Variants in DST observed in about 807,000 individuals in gnomAD.
DST encodes bullous pemphigoid antigen.
In DST, 253 loss-of-function variants were observed where a neutral mutation model predicts 875.2. That is an observed-to-expected ratio of 0.29 (90% CI 0.26 to 0.32). The LOEUF is 0.32. Among genes scored for constraint, DST ranks in the 10% least tolerant of loss-of-function variants. The probability of loss-of-function intolerance (pLI) is 1.00; values close to 1 mark genes in which losing one functional copy is unlikely to be tolerated. For missense variants in DST, 8,287 were observed against 9,111.6 expected (o/e 0.91, Z 3.68); for synonymous variants, 3,124 against 3,197.1 (o/e 0.98, Z 0.77).
At chr6:56,585,338 G>C (rs1386852115) in intron 49 of DST, among the ~76,000 whole-genome samples, 1 of 151,988 alleles carries the variant, frequency 6.6e-6, no homozygotes, top group Non-Finnish European at 1.5e-5. Context: ...TGTATGTGTC[G>C]AGGAATTTAT....
intron 3 of DST, among the ~76,000 whole-genome samples, chr6:56,883,558 G>A (rs1783200155): frequency 6.6e-6 from 1 of 152,092 alleles, no homozygotes; most frequent in Non-Finnish European, 1.5e-5. Context: ...CAAAAATTTA[G>A]GCTTACTCTA....
chr6:56,480,726 C>T (rs2095373348), intron 90 of DST, among the ~76,000 whole-genome samples: 1 of 152,080 alleles, frequency 6.6e-6, no homozygotes. Flanking sequence ...AACCACTACC[C>T]CTGCTCTGGA....
chr6:56,553,457 T>A lies in DST; in HGVS notation c.15335A>T (p.His5112Leu). 1 of 1,612,482 alleles carries A rather than the reference T, an allele frequency of 6.2e-7. No individual in the cohort carries two copies. The highest frequency in any genetic ancestry group is 8.5e-7 in the Non-Finnish European group (1 of 1,179,436). The change falls in exon 61 of 104, where the codon CAT (histidine) becomes CTT (leucine). Residue 5112 changes from histidine to leucine, a missense_variant. Transcript: ENST00000680361. Reference sequence around the variant, plus strand: ...TTCTGCAATGGTTTTTTCATACATATGAGACTGAGCGGTCAAAGTTTTACT... The same window carrying A: ...TTCTGCAATGGTTTTTTCATACATAAGAGACTGAGCGGTCAAAGTTTTACT... The part of the protein sequence containing the change: ...DFSKTLTAQS[H>L]MYEKTIAEGE...
intron 49 of DST, among the ~76,000 whole-genome samples, chr6:56,580,303 T>C (rs903118881): frequency 3.3e-5 from 5 of 152,112 alleles, no homozygotes; most frequent in African/African-American, 4.8e-5. Context: ...CCAACGCTTT[T>C]TGGGAGGCCA....
intron 92 of DST, among the ~76,000 whole-genome samples, chr6:56,474,920 T>C (rs773597235): frequency 1.5e-5 from 2 of 135,290 alleles, no homozygotes; most frequent in Admixed American, 8.4e-5. Context: ...GACTGTGCCA[T>C]TGCATTCCAG....
Position 56,606,392 on chromosome 6 carries a change from T to C in DST, c.8236A>G (p.Ile2746Val), listed in dbSNP as rs748011443. ...DESDSLTDYD[I>V]VGGKESFTAS... is the part of the protein sequence containing the mutation. ...GTGAAGCTCTCTTTTCCTCCTACAA[T>C]ATCATAATCAGTCAATGAGTCAGAT... is the stretch of plus-strand genomic sequence containing the variant. The change falls in exon 40 of 104, where the codon ATT (isoleucine) becomes GTT (valine). Residue 2746 changes from isoleucine (I) to valine (V), a missense_variant. This residue lies in a region of DST where 3,138 missense variants were observed against 3,116.6 expected (regional missense o/e 1.01). Coordinates refer to ENST00000680361, the MANE Select transcript of DST (RefSeq NM_001374736.1). 1.9e-6 allele frequency: 3 copies of C among 1,613,412 alleles called. No homozygotes were observed. In the South Asian group the frequency reaches 3.3e-5, roughly 18 times the overall value.
At chr6:56,534,984 G>T in intron 63 of DST, 138 bp downstream of exon 63, 1 of 952,616 alleles carries the variant, frequency 1.0e-6, no homozygotes, top group Non-Finnish European at 1.6e-6. Flanking sequence ...TTTGTCGAAT[G>T]ACTAACAAAA....
chr6:56,471,233 C>A lies in DST; in HGVS notation c.22194G>T (p.Trp7398Cys). The A allele has an allele frequency of 6.3e-7, 1 of 1,595,042 alleles. No homozygotes were observed. The highest frequency in any genetic ancestry group is 2.2e-5 in the East Asian group (1 of 44,512). The part of the protein sequence containing the change: ...REFANFDFDI[W>C]RKKYMRWMNH... Reference sequence around the variant, plus strand: ...TCATCCATCGCATGTATTTTTTGCGCCAGATATCAAAATCAAAGTTAGCAA... The same window carrying A: ...TCATCCATCGCATGTATTTTTTGCGACAGATATCAAAATCAAAGTTAGCAA... The change falls in exon 95 of 104, where the codon TGG (tryptophan) becomes TGT (cysteine). Residue 7398 changes from tryptophan (W) to cysteine (C), a missense_variant. By Grantham distance (215) the Trp-to-Cys change is radical. This residue lies in a region of DST where 1,292 missense variants were observed against 1,552.7 expected (regional missense o/e 0.83). Transcript: ENST00000680361.
Position 56,508,657 on chromosome 6 carries a change from C to T in DST, c.19111G>A (p.Ala6371Thr), listed in dbSNP as rs138036265. ...ATGTGATCACACCAGAACTTTTCTG[C>T]TAGCTCCATCACATCCAGTAGTTTG... Reference protein sequence around the residue: ...EAKLLDVMELAEKFWCDHMSL... With the variant: ...EAKLLDVMELTEKFWCDHMSL... Residue 6371 changes from alanine to threonine, a missense_variant, in exon 75 of 104, where the codon GCA (alanine) becomes ACA (threonine). By Grantham distance (58) the Ala-to-Thr change is moderately conservative. This residue lies in a region of DST where 1,292 missense variants were observed against 1,552.7 expected (regional missense o/e 0.83). Transcript: ENST00000680361. The T allele has an allele frequency of 1.6e-5, 26 of 1,613,862 alleles. No individual in the cohort carries two copies. The East Asian group carries it at 5.8e-4, about 36-fold the overall frequency.
chr6:56,598,346 T>C (rs1025474082), intron 46 of DST, 130 bp downstream of exon 46: 1 of 609,812 alleles, frequency 1.6e-6, no homozygotes, highest in African/African-American at 1.9e-5. Context: ...ATTATGTACC[T>C]GGAAACCCAG....
chr6:56,918,407 A>C (rs1033773872), intron 2 of DST, among the ~76,000 whole-genome samples: 4 of 152,164 alleles, frequency 2.6e-5, no homozygotes, highest in African/African-American at 9.7e-5. Flanking sequence ...GATTACAGGC[A>C]TGAGCCACCA....
chr6:56,819,317 C>T (rs1373639085), intron 4 of DST, among the ~76,000 whole-genome samples: 1 of 152,114 alleles, frequency 6.6e-6, no homozygotes, highest in African/African-American at 2.4e-5. Context: ...TTCCAGGGTA[C>T]ACTGTTCCTC....
At chr6:56,825,502 TAAAAA>T (rs749148452) in intron 4 of DST, among the ~76,000 whole-genome samples, 4 of 109,348 alleles carry the variant, frequency 3.7e-5, no homozygotes, top group Admixed American at 9.9e-5. Context: ...CAATAAATAC[TAAAAA>T]AAAAAAAAAA....
chr6:56,872,175 T>C (rs1473456190), intron 3 of DST, among the ~76,000 whole-genome samples: 2 of 152,166 alleles, frequency 1.3e-5, no homozygotes, highest in Non-Finnish European at 2.9e-5. Flanking sequence ...AATGTCCCAC[T>C]TACAGGAGAG....
intron 4 of DST, among the ~76,000 whole-genome samples, chr6:56,744,146 T>C (rs2099560216): frequency 6.9e-6 from 1 of 144,720 alleles, no homozygotes; most frequent in Non-Finnish European, 1.5e-5. Flanking sequence ...TGAAACTCTG[T>C]CTCAAAAAAA....
intron 36 of DST, chr6:56,620,380 C>G: frequency 6.2e-7 from 1 of 1,614,142 alleles, no homozygotes; most frequent in Non-Finnish European, 8.5e-7. Context: ...TGGTGAGCTG[C>G]CTCACCCGCT....
chr6:56,696,844 C>G (rs1250407727), intron 9 of DST, among the ~76,000 whole-genome samples: 1 of 152,072 alleles, frequency 6.6e-6, no homozygotes, highest in African/African-American at 2.4e-5. Context: ...CCTTTTTTCT[C>G]TTTCCTCAGC....
rs147850031 is a variant in DST, at chr6:56,790,170, C to T, written c.626-54881G>A. Among the ~76,000 whole-genome samples, 521 of 152,016 alleles carry T rather than the reference C, an allele frequency of 3.4e-3. 4 individuals are homozygous for T. The highest frequency in any genetic ancestry group is 0.012 in the African/African-American group (500 of 41,462). On this transcript the variant is annotated intron_variant, in intron 4 of 103. Transcript: ENST00000680361. ...GACTTTCCCATTATTTCTCCAGAGC[C>T]GGAATTTTTCTTGCCAGAAAGCAAA...
At chr6:56,830,399 T>C (rs1380446528) in intron 4 of DST, among the ~76,000 whole-genome samples, 1 of 152,204 alleles carries the variant, frequency 6.6e-6, no homozygotes, top group African/African-American at 2.4e-5. Context: ...TTAACGTATA[T>C]AGGTAATTGA....
Sources: gnomAD v4.1 joint callset for allele counts (sites outside exome capture counted in the v4.1 genomes callset) on GRCh38, gnomAD v4.1.1 for gene constraint, gnomAD v4.1.1 regional missense constraint, MANE v1.5 for transcripts, NCBI Gene and HGNC (gene_info 2026-07-23, HGNC 2026-07-21) for gene names.